AKT3: variants seen among roughly 807,000 people sequenced by gnomAD.
The protein encoded by AKT3 is AKT serine/threonine kinase 3.
In AKT3, 15 loss-of-function variants were observed where a neutral mutation model predicts 65.3. The observed-to-expected ratio is 0.23, with a 90% CI of 0.15 to 0.35. The LOEUF is 0.35. AKT3 is among the 10% of genes least tolerant of loss of function. The pLI, the probability that AKT3 is intolerant of heterozygous loss-of-function variation, is 1.00. For synonymous variants in AKT3, 206 were observed against 183.8 expected (o/e 1.12, Z -0.98); for missense variants, 243 against 576.5 (o/e 0.42, Z 5.92).
At chr1:243,515,388 TA>T (rs35064713) in intron 12 of AKT3, among the ~76,000 whole-genome samples, 243 of 143,354 alleles carry the variant, frequency 1.7e-3, no homozygotes, top group East Asian at 2.8e-3. Context: ...TTTACCATGT[TA>T]AAAAAAAAAA....
At chr1:243,836,445 A>AT (rs1694893097) in intron 2 of AKT3, among the ~76,000 whole-genome samples, 1 of 151,994 alleles carries the variant, frequency 6.6e-6, no homozygotes, top group Non-Finnish European at 1.5e-5. Context: ...GCTGGAGACT[A>AT]TAACACTGAG....
intron 10 of AKT3, among the ~76,000 whole-genome samples, chr1:243,558,769 G>C (rs1439940010): frequency 6.6e-6 from 1 of 151,908 alleles, no homozygotes; most frequent in East Asian, 1.9e-4. Context: ...CCTCTTTTTA[G>C]CATGTACTTT....
rs1558570494 is a variant in AKT3, at chr1:243,502,804, G to A, written c.*2445C>T. ...TGAGAGCCAGTGTGAGGAGTGGCCCGCCTGGGGCAATGTCAGTGCCAGTCA... is the reference window on the plus strand; with the variant it reads ...TGAGAGCCAGTGTGAGGAGTGGCCCACCTGGGGCAATGTCAGTGCCAGTCA... On this transcript the variant is annotated 3_prime_UTR_variant, in exon 14 of 14. Coordinates refer to ENST00000673466, the MANE Select transcript of AKT3 (RefSeq NM_005465.7). The A allele has an allele frequency of 8.6e-6, 2 of 233,128 alleles. No homozygotes were observed. The highest frequency in any genetic ancestry group is 1.8e-4 in the South Asian group (1 of 5,534). 14.4% of individuals were successfully genotyped at this position (233,128 alleles called of 1,614,324 possible).
At chr1:243,511,694 A>C (rs1278062533) in intron 13 of AKT3, among the ~76,000 whole-genome samples, 3 of 152,182 alleles carry the variant, frequency 2.0e-5, no homozygotes, top group Non-Finnish European at 4.4e-5. Context: ...ATGTCTGATC[A>C]CCTTTTCCCT....
intron 8 of AKT3, among the ~76,000 whole-genome samples, chr1:243,593,839 C>A (rs532342616): frequency 1.3e-5 from 2 of 152,154 alleles, no homozygotes; most frequent in Non-Finnish European, 2.9e-5. Flanking sequence ...TAACATCACA[C>A]TTAATAATAA....
At chr1:243,581,878 A>C (rs879943088) in intron 8 of AKT3, among the ~76,000 whole-genome samples, 1 of 152,012 alleles carries the variant, frequency 6.6e-6, no homozygotes, top group Non-Finnish European at 1.5e-5. Flanking sequence ...GGAAGAAATA[A>C]GCATCTTTAA....
intron 2 of AKT3, among the ~76,000 whole-genome samples, chr1:243,720,704 T>C (rs1466997958): frequency 1.3e-5 from 2 of 152,184 alleles, no homozygotes; most frequent in Non-Finnish European, 2.9e-5. Flanking sequence ...CTTAAAATTA[T>C]AAAGTAGATA....
chr1:243,753,227 T>G (rs1688918784), intron 2 of AKT3, among the ~76,000 whole-genome samples: 1 of 152,196 alleles, frequency 6.6e-6, no homozygotes, highest in Non-Finnish European at 1.5e-5. Flanking sequence ...ACTATGAACT[T>G]AAATAAATGT....
intron 10 of AKT3, among the ~76,000 whole-genome samples, chr1:243,557,554 C>T (rs1418794168): frequency 1.3e-5 from 2 of 151,852 alleles, no homozygotes; most frequent in South Asian, 2.1e-4. Flanking sequence ...TAAACAATGT[C>T]CAATTATGAG....
chr1:243,592,053 T>G (rs1459403275), intron 8 of AKT3, among the ~76,000 whole-genome samples: 1 of 152,086 alleles, frequency 6.6e-6, no homozygotes, highest in African/African-American at 2.4e-5. Flanking sequence ...ACCCTAAGCC[T>G]GGCCAGGCAC....
At chr1:243,580,944 C>CCTGCTT (rs2148524360) in intron 8 of AKT3, among the ~76,000 whole-genome samples, 1 of 152,286 alleles carries the variant, frequency 6.6e-6, no homozygotes, top group African/African-American at 2.4e-5. Context: ...CACCTCCTTG[C>CCTGCTT]CTGCTTCTGG....
chr1:243,825,787 G>C (rs902767661), intron 2 of AKT3, among the ~76,000 whole-genome samples: 2 of 152,086 alleles, frequency 1.3e-5, no homozygotes, highest in Admixed American at 1.3e-4. Context: ...TTTACCAAAC[G>C]TACCCCATAA....
intron 2 of AKT3, among the ~76,000 whole-genome samples, chr1:243,740,108 C>T (rs1558768319): frequency 6.6e-6 from 1 of 152,146 alleles, no homozygotes; most frequent in South Asian, 2.1e-4. Context: ...GAAGGGTCTT[C>T]CTGGGAGCTC....
At chr1:243,795,463 T>G (rs1358631254) in intron 2 of AKT3, among the ~76,000 whole-genome samples, 16 of 78,826 alleles carry the variant, frequency 2.0e-4, no homozygotes, top group African/African-American at 4.3e-4. Context: ...TTTTTTTTTG[T>G]TTTTTTTTTT....
chr1:243,644,675 CAACT>C (rs1051719052), intron 5 of AKT3, among the ~76,000 whole-genome samples: 80 of 152,174 alleles, frequency 5.3e-4, no homozygotes, highest in Admixed American at 1.5e-3. Context: ...TTTTTTACTC[CAACT>C]GAGTCTCCAA....
intron 8 of AKT3, among the ~76,000 whole-genome samples, chr1:243,581,981 G>C (rs1675398795): frequency 6.6e-6 from 1 of 151,780 alleles, no homozygotes; most frequent in African/African-American, 2.4e-5. Context: ...GGCCCAAGCA[G>C]AAGAAAGACT....
At chr1:243,554,945 A>G (rs1424554649) in intron 10 of AKT3, among the ~76,000 whole-genome samples, 1 of 152,132 alleles carries the variant, frequency 6.6e-6, no homozygotes, top group African/African-American at 2.4e-5. Flanking sequence ...AGTACATAAA[A>G]AAGGGGGGTT....
intron 13 of AKT3, chr1:243,489,292 C>T: frequency 3.7e-6 from 4 of 1,086,070 alleles, no homozygotes; most frequent in South Asian, 1.6e-5. Context: ...GGGCACAGTG[C>T]AGGACCCAGA....
At chr1:243,645,871 G>T in intron 5 of AKT3, 22 bp downstream of exon 5, 1 of 1,586,076 alleles carries the variant, frequency 6.3e-7, no homozygotes, top group South Asian at 1.2e-5. Flanking sequence ...TGCTGTGCTG[G>T]GAATAAGTTA....
Sources: gnomAD v4.1 joint callset for allele counts (sites outside exome capture counted in the v4.1 genomes callset) on GRCh38, gnomAD v4.1.1 for gene constraint, MANE v1.5 for transcripts, NCBI Gene and HGNC (gene_info 2026-07-23, HGNC 2026-07-21) for gene names.